The following GRIK2 variants were observed in gnomAD, a reference collection of about 807,000 sequenced individuals.
GRIK2 encodes the protein glutamate ionotropic receptor kainate type subunit 2, also known as glutamate receptor ionotropic, kainate 2.
In GRIK2, 32 loss-of-function variants were observed where a neutral mutation model predicts 100.3. The ratio of observed to expected loss-of-function variants is 0.32; its 90% CI spans 0.24 to 0.43. GRIK2 has a LOEUF of 0.43. Among genes scored for constraint, GRIK2 ranks in the 20% least tolerant of loss-of-function variants. The pLI is 1.00. For synonymous variants in GRIK2, 417 were observed against 389.4 expected (o/e 1.07, Z -0.83); for missense variants, 843 against 1,114.9 (o/e 0.76, Z 3.47).
intron 12 of GRIK2, among the ~76,000 whole-genome samples, chr6:101,910,529 T>A (rs1323405716): frequency 6.6e-6 from 1 of 151,292 alleles, no homozygotes; most frequent in Admixed American, 6.6e-5. Flanking sequence ...GTTAGCAATG[T>A]ATAATTTTGT....
At chr6:101,462,782 C>T (rs1000492467) in intron 2 of GRIK2, among the ~76,000 whole-genome samples, 9 of 152,208 alleles carry the variant, frequency 5.9e-5, no homozygotes, top group South Asian at 4.2e-4. Flanking sequence ...GATTGCTCAT[C>T]CCACATGAGA....
At chr6:101,836,758 A>T (rs976426341) in intron 10 of GRIK2, among the ~76,000 whole-genome samples, 23 of 139,770 alleles carry the variant, frequency 1.6e-4, no homozygotes, top group Non-Finnish European at 3.3e-4. Flanking sequence ...CTCTGCCTCC[A>T]GGGTTTAAGT....
intron 14 of GRIK2, among the ~76,000 whole-genome samples, chr6:101,991,249 A>T (rs1794356243): frequency 6.6e-6 from 1 of 151,012 alleles, no homozygotes; most frequent in South Asian, 2.1e-4. Flanking sequence ...TTACACATAA[A>T]TTATTTTTTT....
At chr6:101,580,834 T>G (rs150141567) in intron 2 of GRIK2, among the ~76,000 whole-genome samples, 360 of 152,206 alleles carry the variant, frequency 2.4e-3, no homozygotes, top group Middle Eastern at 6.8e-3. Flanking sequence ...GTTATCTGCA[T>G]AGTTCCCTCT....
At chr6:101,715,814 C>T (rs1020885433) in intron 7 of GRIK2, among the ~76,000 whole-genome samples, 1 of 151,806 alleles carries the variant, frequency 6.6e-6, no homozygotes, top group Non-Finnish European at 1.5e-5. Flanking sequence ...GGTTCTAACT[C>T]CAGTTTAGTT....
intron 11 of GRIK2, among the ~76,000 whole-genome samples, chr6:101,871,146 C>T (rs1042994986): frequency 6.6e-6 from 1 of 151,836 alleles, no homozygotes; most frequent in Non-Finnish European, 1.5e-5. Context: ...AAGATTTTAG[C>T]ATCAGCATGT....
At chr6:101,661,177 G>T (rs978640904) in intron 4 of GRIK2, among the ~76,000 whole-genome samples, 2 of 152,146 alleles carry the variant, frequency 1.3e-5, no homozygotes, top group African/African-American at 4.8e-5. Context: ...CCTGCTCAGA[G>T]AGGAGGAATC....
intron 2 of GRIK2, among the ~76,000 whole-genome samples, chr6:101,581,176 A>AT (rs1200164010): frequency 4.0e-5 from 6 of 150,966 alleles, no homozygotes; most frequent in Non-Finnish European, 8.8e-5. Flanking sequence ...ACATATATAT[A>AT]TATATACACA....
intron 6 of GRIK2, among the ~76,000 whole-genome samples, chr6:101,683,426 C>T (rs1342511177): frequency 6.6e-6 from 1 of 152,088 alleles, no homozygotes; most frequent in African/African-American, 2.4e-5. Context: ...TTCACATACC[C>T]ATCACACAAT....
At chr6:101,452,401 T>C (rs1012813377) in intron 2 of GRIK2, among the ~76,000 whole-genome samples, 3 of 151,788 alleles carry the variant, frequency 2.0e-5, no homozygotes, top group African/African-American at 4.8e-5. Flanking sequence ...TTCACCCAAA[T>C]ACATCGCTGT....
chr6:102,000,979 C>G (rs1794908036), intron 14 of GRIK2, among the ~76,000 whole-genome samples: 1 of 151,874 alleles, frequency 6.6e-6, no homozygotes, highest in Non-Finnish European at 1.5e-5. Flanking sequence ...GATATCCTGA[C>G]ATTCTTTACC....
chr6:101,928,926 C>T (rs1267596172), intron 14 of GRIK2, among the ~76,000 whole-genome samples: 1 of 152,034 alleles, frequency 6.6e-6, no homozygotes, highest in East Asian at 1.9e-4. Flanking sequence ...TTGAATAAAA[C>T]AAAATGTATT....
chr6:101,708,939 G>A (rs1004108412), intron 7 of GRIK2, among the ~76,000 whole-genome samples: 3 of 151,414 alleles, frequency 2.0e-5, no homozygotes, highest in Non-Finnish European at 3.0e-5. Flanking sequence ...CATTAGGGTC[G>A]GCCCTAATCC....
chr6:101,397,554 A>G (rs963876212), intron 1 of GRIK2, among the ~76,000 whole-genome samples: 2 of 152,228 alleles, frequency 1.3e-5, no homozygotes, highest in Admixed American at 6.5e-5. Flanking sequence ...AAAAAAATCA[A>G]TGCCACTTAA....
chr6:101,899,887 T>TG (rs1448387028), intron 12 of GRIK2, among the ~76,000 whole-genome samples: 1 of 152,020 alleles, frequency 6.6e-6, no homozygotes, highest in Non-Finnish European at 1.5e-5. Context: ...TTCTTGGTAA[T>TG]GGGGGGTGCT....
intron 4 of GRIK2, among the ~76,000 whole-genome samples, chr6:101,646,467 T>C (rs2128326606): frequency 6.6e-6 from 1 of 151,984 alleles, no homozygotes; most frequent in African/African-American, 2.4e-5. Context: ...GTTATGAAAA[T>C]ATGTATTATC....
intron 14 of GRIK2, among the ~76,000 whole-genome samples, chr6:101,949,370 C>G (rs1313604543): frequency 1.3e-5 from 2 of 151,800 alleles, no homozygotes; most frequent in East Asian, 3.9e-4. Context: ...CTTTGATTAT[C>G]TTTTTTTTGT....
intron 14 of GRIK2, among the ~76,000 whole-genome samples, chr6:101,996,598 C>T (rs1794662917): frequency 6.6e-6 from 1 of 152,006 alleles, no homozygotes; most frequent in African/African-American, 2.4e-5. Context: ...TAGAAAATTA[C>T]CCATATATGA....
At chr6:101,519,961 GAA>G (rs773681137) in intron 2 of GRIK2, among the ~76,000 whole-genome samples, 4 of 152,088 alleles carry the variant, frequency 2.6e-5, no homozygotes, top group Non-Finnish European at 4.4e-5. Context: ...CATGGTTTGT[GAA>G]GCAAGCTAAT....
Sources: gnomAD v4.1 joint callset for allele counts (sites outside exome capture counted in the v4.1 genomes callset) on GRCh38, gnomAD v4.1.1 for gene constraint, MANE v1.5 for transcripts, NCBI Gene and HGNC (gene_info 2026-07-23, HGNC 2026-07-21) for gene names.